Variants in PPFIA2 observed in about 807,000 individuals in gnomAD.
The protein encoded by PPFIA2 is PPFI scaffold protein A2, also known as liprin-alpha-2.
In PPFIA2, 46 loss-of-function variants were observed where a neutral mutation model predicts 175.5. The observed-to-expected ratio is 0.26, with a 90% CI of 0.21 to 0.34. The LOEUF is 0.34. PPFIA2 is among the 10% of genes least tolerant of loss of function. PPFIA2 has a pLI of 1.00. For missense variants in PPFIA2, 1,179 were observed against 1,506.1 expected (o/e 0.78, Z 3.60); for synonymous variants, 568 against 511.4 (o/e 1.11, Z -1.49).
At chr12:81,666,548 G>T (rs544686186) in intron 4 of PPFIA2, among the ~76,000 whole-genome samples, 1 of 152,166 alleles carries the variant, frequency 6.6e-6, no homozygotes, top group East Asian at 1.9e-4. Flanking sequence ...ACTCATAGGT[G>T]GGAATTGAAT....
chr12:81,534,513 C>A (rs1260506497), intron 4 of PPFIA2, among the ~76,000 whole-genome samples: 1 of 151,468 alleles, frequency 6.6e-6, no homozygotes, highest in Non-Finnish European at 1.5e-5. Flanking sequence ...ATGCATTTTC[C>A]CTCTTGGAAA....
At chr12:81,270,608 A>T (rs1240829941) in intron 28 of PPFIA2, 1 of 152,222 alleles carries the variant, frequency 6.6e-6, no homozygotes, top group Non-Finnish European at 1.5e-5. Context: ...TTGCCAGCAA[A>T]TCACCAGAAG....
At chr12:81,375,177 A>G (rs570847386) in intron 10 of PPFIA2, among the ~76,000 whole-genome samples, 1 of 152,158 alleles carries the variant, frequency 6.6e-6, no homozygotes, top group Non-Finnish European at 1.5e-5. Context: ...CATTTTCTGT[A>G]ACAGGTCAGA....
At chr12:81,353,837 A>T (rs2140964187) in intron 16 of PPFIA2, among the ~76,000 whole-genome samples, 1 of 152,292 alleles carries the variant, frequency 6.6e-6, no homozygotes, top group East Asian at 1.9e-4. Flanking sequence ...ATATTGCAAA[A>T]TGATGTACAG....
chr12:81,635,066 C>T (rs1185150950), intron 4 of PPFIA2, among the ~76,000 whole-genome samples: 1 of 152,132 alleles, frequency 6.6e-6, no homozygotes, highest in Non-Finnish European at 1.5e-5. Flanking sequence ...TGATGTGAGA[C>T]AATGGGAGCA....
At chr12:81,324,307 T>C (rs1185469094) in intron 22 of PPFIA2, among the ~76,000 whole-genome samples, 3 of 152,058 alleles carry the variant, frequency 2.0e-5, no homozygotes, top group East Asian at 3.8e-4. Flanking sequence ...TTAACTTTAG[T>C]AGCTATTTAA....
At chr12:81,688,870 T>C (rs897566834) in intron 3 of PPFIA2, among the ~76,000 whole-genome samples, 1 of 149,646 alleles carries the variant, frequency 6.7e-6, no homozygotes, top group African/African-American at 2.4e-5. Flanking sequence ...TTCTAATACA[T>C]ATTTATTTAA....
intron 8 of PPFIA2, among the ~76,000 whole-genome samples, chr12:81,395,231 T>C (rs902283767): frequency 5.3e-5 from 8 of 152,030 alleles, no homozygotes; most frequent in African/African-American, 1.9e-4. Context: ...TCACAGTAAC[T>C]ATAAATGCCT....
chr12:81,623,299 AAAAG>A (rs756436144), intron 4 of PPFIA2, among the ~76,000 whole-genome samples: 15 of 152,054 alleles, frequency 9.9e-5, no homozygotes, highest in Non-Finnish European at 1.9e-4. Context: ...CAAAATAGTG[AAAAG>A]AGAGATGCTA....
At chr12:81,463,689 C>T (rs1255180656) in intron 4 of PPFIA2, among the ~76,000 whole-genome samples, 1 of 151,946 alleles carries the variant, frequency 6.6e-6, no homozygotes, top group Non-Finnish European at 1.5e-5. Flanking sequence ...AGATGACAAG[C>T]AAAGAAGCAA....
At chr12:81,582,673 G>A (rs1301727540) in intron 4 of PPFIA2, among the ~76,000 whole-genome samples, 1 of 151,170 alleles carries the variant, frequency 6.6e-6, no homozygotes, top group East Asian at 1.9e-4. Flanking sequence ...TTAAATTTGG[G>A]GATTACTTAA....
At chr12:81,677,205 T>C (rs938269442) in intron 3 of PPFIA2, among the ~76,000 whole-genome samples, 4 of 151,182 alleles carry the variant, frequency 2.6e-5, no homozygotes, top group Admixed American at 6.6e-5. Flanking sequence ...AACCTAAAAA[T>C]ATTTAATTTT....
chr12:81,753,869 A>C lies in PPFIA2; in HGVS notation c.249+104T>G, dbSNP rs148524613. 88 of 1,392,252 alleles carry C rather than the reference A, an allele frequency of 6.3e-5. No individual in the cohort carries two copies. The African/African-American group carries it at 1.1e-3, about 18-fold the overall frequency. The allele number at this position is 1,392,252 out of a possible 1,614,324, so 86.2% of individuals were successfully genotyped here. A position where few individuals can be genotyped will look rare whatever the true frequency, so the allele number is the denominator to read the frequency against. On this transcript the variant is annotated intron_variant, in intron 3 of 32. Coordinates refer to ENST00000549396, the MANE Select transcript of PPFIA2 (RefSeq NM_003625.5). ...AAGTTGTTCTCACCAAAACGTGTGT[A>C]TCACATATGTTAAGTGGAAAAGTAA...
intron 4 of PPFIA2, among the ~76,000 whole-genome samples, chr12:81,590,980 T>C (rs1460543292): frequency 6.6e-6 from 1 of 152,068 alleles, no homozygotes; most frequent in African/African-American, 2.4e-5. Context: ...TTGGAACAGT[T>C]TGGAGGGCTC....
intron 4 of PPFIA2, among the ~76,000 whole-genome samples, chr12:81,536,990 C>T (rs955266266): frequency 8.6e-5 from 13 of 150,884 alleles, no homozygotes; most frequent in African/African-American, 2.9e-4. Flanking sequence ...TATGGTTTTA[C>T]GTTAGTAAAT....
chr12:81,373,805 C>A (rs1264046171), intron 11 of PPFIA2, among the ~76,000 whole-genome samples: 1 of 151,910 alleles, frequency 6.6e-6, no homozygotes, highest in African/African-American at 2.4e-5. Context: ...AGTCCAGATA[C>A]CTATCATACT....
intron 21 of PPFIA2, among the ~76,000 whole-genome samples, chr12:81,335,038 G>A (rs909339445): frequency 2.0e-5 from 3 of 152,228 alleles, no homozygotes; most frequent in African/African-American, 4.8e-5. Flanking sequence ...TATTTCTAGC[G>A]TTTCAGTAGC....
At chr12:81,664,557 G>A (rs2069699599) in intron 4 of PPFIA2, among the ~76,000 whole-genome samples, 1 of 152,146 alleles carries the variant, frequency 6.6e-6, no homozygotes, top group South Asian at 2.1e-4. Context: ...GAGAGGATGT[G>A]GAGAAATAGG....
At chr12:81,752,925 C>G (rs1245846681) in intron 3 of PPFIA2, among the ~76,000 whole-genome samples, 1 of 141,322 alleles carries the variant, frequency 7.1e-6, no homozygotes, top group Non-Finnish European at 1.6e-5. Context: ...AAAAGAGGCA[C>G]AATTATGCTT....
Sources: gnomAD v4.1 joint callset for allele counts (sites outside exome capture counted in the v4.1 genomes callset) on GRCh38, gnomAD v4.1.1 for gene constraint, MANE v1.5 for transcripts, NCBI Gene and HGNC (gene_info 2026-07-23, HGNC 2026-07-21) for gene names.